The following COL5A1 variants were observed in gnomAD, a reference collection of about 807,000 sequenced individuals.
COL5A1 encodes the protein collagen type V alpha 1 chain.
In COL5A1, 16 loss-of-function variants were observed where a neutral mutation model predicts 263.7. That is an observed-to-expected ratio of 0.06 (90% CI 0.04 to 0.09). The LOEUF (loss-of-function observed/expected upper bound fraction) is 0.09, where lower values mean the gene tolerates loss of function less well. COL5A1 is among the 10% of genes least tolerant of loss of function. The probability of loss-of-function intolerance (pLI) is 1.00; values close to 1 mark genes in which losing one functional copy is unlikely to be tolerated. For missense variants in COL5A1, 2,036 were observed against 2,540.5 expected, an observed-to-expected ratio of 0.80 and a Z score of 4.27; for synonymous variants, 1,012 against 1,004.5, an observed-to-expected ratio of 1.01 and a Z score of -0.14.
At chr9:134,812,852 CTG>C (rs1482488615) in intron 48 of COL5A1, 140 bp downstream of exon 48, 7 of 716,542 alleles carry the variant, frequency 9.8e-6, no homozygotes, top group Non-Finnish European at 1.5e-5. Flanking sequence ...GTGTACCTCT[CTG>C]TGTGTACACA....
At chr9:134,740,579 C>T (rs1016796373) in intron 11 of COL5A1, among the ~76,000 whole-genome samples, 16 of 152,340 alleles carry the variant, frequency 1.1e-4, no homozygotes, top group South Asian at 4.1e-4. Context: ...TGGTGTTCCA[C>T]GGCTCCGTCC....
chr9:134,650,395 G>T (rs1192073560), intron 1 of COL5A1, among the ~76,000 whole-genome samples: 1 of 152,194 alleles, frequency 6.6e-6, no homozygotes, highest in Non-Finnish European at 1.5e-5. Flanking sequence ...AACAGATGGG[G>T]TCCATATGCA....
chr9:134,764,429 C>A (rs1291331995), intron 20 of COL5A1, among the ~76,000 whole-genome samples: 1 of 151,684 alleles, frequency 6.6e-6, no homozygotes, highest in Non-Finnish European at 1.5e-5. Flanking sequence ...GGGGGTCACA[C>A]ACCTGAATCA....
intron 28 of COL5A1, among the ~76,000 whole-genome samples, chr9:134,780,481 C>T (rs934242029): frequency 6.6e-6 from 1 of 152,212 alleles, no homozygotes; most frequent in Non-Finnish European, 1.5e-5. Flanking sequence ...CACCTGTCAC[C>T]CTCCCCACTC....
chr9:134,830,172 C>G (rs1457312297), intron 64 of COL5A1, 128 bp downstream of exon 64: 14 of 1,609,554 alleles, frequency 8.7e-6, no homozygotes, highest in African/African-American at 2.7e-5. Flanking sequence ...AAGCGGGGGT[C>G]CCTGGTAAGT....
chr9:134,643,249 ACATCAGAG>A (rs939231852), intron 1 of COL5A1, among the ~76,000 whole-genome samples: 28 of 151,936 alleles, frequency 1.8e-4, no homozygotes, highest in African/African-American at 6.8e-4. Context: ...AGACTCTCGA[ACATCAGAG>A]CCCCCAGCCC....
At chr9:134,670,381 C>G (rs1191422280) in intron 1 of COL5A1, among the ~76,000 whole-genome samples, 1 of 152,212 alleles carries the variant, frequency 6.6e-6, no homozygotes, top group African/African-American at 2.4e-5. Context: ...CAGTTGTCAC[C>G]TGAGCAACTG....
intron 4 of COL5A1, chr9:134,708,935 C>T (rs1016900772): frequency 6.6e-6 from 3 of 456,652 alleles, no homozygotes; most frequent in South Asian, 1.5e-5. Context: ...CACGTCGCCC[C>T]AGCTTCTGCC....
chr9:134,763,602 A>G lies in COL5A1; in HGVS notation c.1990-91A>G, dbSNP rs1337931360. ...AACCTGGCGTATGTGAAGCAGCCCC[A>G]AGCCAGAGAACCCTTGTGCACCACT... On this transcript the variant is annotated intron_variant, in intron 19 of 65. Coordinates refer to ENST00000371817, the MANE Select transcript of COL5A1 (RefSeq NM_000093.5). The G allele has an allele frequency of 1.3e-5, 17 of 1,347,944 alleles. No individual in the cohort carries two copies. In the East Asian group the frequency reaches 3.5e-4, roughly 28 times the overall value. The allele number at this position is 1,347,944 out of a possible 1,614,324, so 83.5% of individuals were successfully genotyped here. A position where few individuals can be genotyped will look rare whatever the true frequency, so the allele number is the denominator to read the frequency against.
rs1169716171 is a variant in COL5A1, at chr9:134,841,907, C to T, written c.5371-250C>T. Among the ~76,000 whole-genome samples the T allele has an allele frequency of 1.3e-5, 2 of 152,130 alleles. No homozygotes were observed. The highest frequency in any genetic ancestry group is 4.8e-5 in the African/African-American group (2 of 41,426). On this transcript the variant is annotated intron_variant, in intron 65 of 65. Coordinates refer to ENST00000371817, the MANE Select transcript of COL5A1 (RefSeq NM_000093.5). The surrounding 1 kb of genome is among the most constrained non-coding windows in gnomAD (Gnocchi z 4.8). ...CCCTGAAGCCTTGGGAGGGTCCTGT[C>T]GCCTCGCTGATGCCCACACCACCCC...
chr9:134,721,563 C>T (rs183927770), intron 4 of COL5A1, among the ~76,000 whole-genome samples: 1 of 152,272 alleles, frequency 6.6e-6, no homozygotes, highest in Admixed American at 6.5e-5. Flanking sequence ...CCAGGGGTGG[C>T]CCAGGGCAGA....
At chr9:134,815,476 G>T in intron 50 of COL5A1, 100 bp from the exon 51 acceptor site, 1 of 1,180,184 alleles carries the variant, frequency 8.5e-7, no homozygotes, top group Non-Finnish European at 1.2e-6. Flanking sequence ...GGAGCTGGAC[G>T]GTGGCAGGTG....
chr9:134,658,673 C>T (rs1364236084), intron 1 of COL5A1, among the ~76,000 whole-genome samples: 1 of 152,146 alleles, frequency 6.6e-6, no homozygotes, highest in Non-Finnish European at 1.5e-5. Context: ...AGCCGACGCC[C>T]CTCTTGTACC....
chr9:134,668,897 A>G (rs1329705756), intron 1 of COL5A1, among the ~76,000 whole-genome samples: 4 of 151,038 alleles, frequency 2.6e-5, no homozygotes, highest in Non-Finnish European at 5.9e-5. Flanking sequence ...CCATTCATCC[A>G]TCAATCCATC....
In COL5A1 at chr9:134,811,402, C is replaced by A; in HGVS notation, c.3582+10C>A. 1 of 1,614,058 alleles carries A rather than the reference C, an allele frequency of 6.2e-7. No individual in the cohort carries two copies. Among genetic ancestry groups the A allele is most frequent in the African/African-American group, 1.3e-5 (1 of 75,032 alleles). ...ACAGCCAGGCCCCTCTGTGAGTATC[C>A]ATGGTCAATGACCTTCGAAAAGCCC... On this transcript the variant is annotated intron_variant, in intron 45 of 65. Coordinates refer to ENST00000371817, the MANE Select transcript of COL5A1 (RefSeq NM_000093.5).
chr9:134,772,988 C>G (rs538399635), intron 26 of COL5A1, among the ~76,000 whole-genome samples, 154 bp downstream of exon 26: 1 of 152,072 alleles, frequency 6.6e-6, no homozygotes, highest in African/African-American at 2.4e-5. Flanking sequence ...AGGGACCCAG[C>G]CTGGGGGGGA....
chr9:134,815,758 G>C, intron 51 of COL5A1, 129 bp downstream of exon 51: 23 of 1,258,256 alleles, frequency 1.8e-5, no homozygotes, highest in Non-Finnish European at 2.6e-5. Context: ...GTCCCAAAAG[G>C]CACTCGTGTT....
chr9:134,714,555 G>T (rs926307277), intron 4 of COL5A1, among the ~76,000 whole-genome samples: 8 of 8,838 alleles, frequency 9.1e-4, no homozygotes, highest in African/African-American at 3.6e-3. Context: ...TGGAGGTGAT[G>T]TGGTGGTGAT....
intron 4 of COL5A1, among the ~76,000 whole-genome samples, chr9:134,710,760 A>G (rs1175764729): frequency 9.1e-5 from 6 of 65,852 alleles, no homozygotes; most frequent in Admixed American, 4.2e-4. Flanking sequence ...GAGGGGCCCC[A>G]TCTGTGGGGT....
Sources: gnomAD v4.1 joint callset for allele counts (sites outside exome capture counted in the v4.1 genomes callset) on GRCh38, gnomAD v4.1.1 for gene constraint, Gnocchi (gnomAD v3.1) non-coding constraint, MANE v1.5 for transcripts, NCBI Gene and HGNC (gene_info 2026-07-23, HGNC 2026-07-21) for gene names.